Variants in PCDHGB5 observed in about 807,000 individuals in gnomAD.
The protein encoded by PCDHGB5 is protocadherin gamma-B5.
PCDHGB5 carries 48 observed loss-of-function variants against 62.9 expected under a neutral mutation model. That is an observed-to-expected ratio of 0.76 (90% CI 0.61 to 0.97). The LOEUF (loss-of-function observed/expected upper bound fraction) is 0.97. Among genes scored for constraint, PCDHGB5 ranks in the 50% least tolerant of loss-of-function variants. The pLI is 0.00. For synonymous variants in PCDHGB5, 474 were observed against 511.2 expected, an observed-to-expected ratio of 0.93 and a Z score of 0.98; for missense variants, 1,118 against 1,198.6, an observed-to-expected ratio of 0.93 and a Z score of 0.99.
At chr5:141,510,431 G>A (rs912708135) in intron 3 of PCDHGB5, among the ~76,000 whole-genome samples, 9 of 152,132 alleles carry the variant, frequency 5.9e-5, no homozygotes, top group African/African-American at 1.9e-4. Flanking sequence ...TTTCATGGCT[G>A]CTGCCCTCCA....
chr5:141,452,165 C>T (rs917431071), intron 1 of PCDHGB5, among the ~76,000 whole-genome samples: 2 of 152,120 alleles, frequency 1.3e-5, no homozygotes, highest in African/African-American at 4.8e-5. Flanking sequence ...TATTCTATTA[C>T]TAACATTTTT....
chr5:141,445,245 T>C (rs2098460607), intron 1 of PCDHGB5, among the ~76,000 whole-genome samples: 1 of 152,212 alleles, frequency 6.6e-6, no homozygotes, highest in Non-Finnish European at 1.5e-5. Flanking sequence ...TTACACTATA[T>C]TGTGTGAGAA....
intron 1 of PCDHGB5, among the ~76,000 whole-genome samples, chr5:141,448,316 T>C (rs1042171540): frequency 6.6e-6 from 1 of 152,174 alleles, no homozygotes; most frequent in Non-Finnish European, 1.5e-5. Flanking sequence ...AGGAATCTTT[T>C]CTTTGAATCT....
chr5:141,489,191 T>C lies in PCDHGB5; in HGVS notation c.2398-5616T>C. On this transcript the variant is annotated intron_variant, in intron 1 of 3. Coordinates refer to ENST00000617380, the MANE Select transcript of PCDHGB5 (RefSeq NM_018925.3). The surrounding 1 kb of genome is among the most constrained non-coding windows in gnomAD (Gnocchi z 4.5). ...CTGCATTCCAAGCCCTGGGTCTACC[T>C]TGGAGACAGGACAGCACAGACTTAC... The C allele has an allele frequency of 7.3e-7, 1 of 1,364,400 alleles. No homozygotes were observed. Among genetic ancestry groups the C allele is most frequent in the Middle Eastern group, 1.9e-4 (1 of 5,334 alleles). The allele number at this position is 1,364,400 out of a possible 1,614,324, so 84.5% of individuals were successfully genotyped here. A position where few individuals can be genotyped will look rare whatever the true frequency, so the allele number is the denominator to read the frequency against.
At chr5:141,448,999 GT>G (rs910018882) in intron 1 of PCDHGB5, among the ~76,000 whole-genome samples, 2 of 151,816 alleles carry the variant, frequency 1.3e-5, no homozygotes, top group African/African-American at 4.8e-5. Context: ...ATAGAAAGCT[GT>G]TTTTTTTAAC....
At chr5:141,419,558 C>T (rs560723941) in intron 1 of PCDHGB5, 1 of 1,611,970 alleles carries the variant, frequency 6.2e-7, no homozygotes, top group African/African-American at 1.3e-5. Context: ...GTACCCTGCG[C>T]TGGGTCCCGA....
rs746539261 is a variant in PCDHGB5, at chr5:141,415,336, C to A, written c.2397+14812C>A. On this transcript the variant is annotated intron_variant, in intron 1 of 3. Transcript: ENST00000617380. ...CATCGTGCTGCTGGCGCACAGGCTG[C>A]GGCGCTGGCACAAGTCACGCCTGCT... 7 of 1,614,200 alleles carry A rather than the reference C, an allele frequency of 4.3e-6. 1 individual carries two copies. The South Asian group carries it at 7.7e-5, about 18-fold the overall frequency.
chr5:141,443,826 G>C (rs955306823), intron 1 of PCDHGB5, among the ~76,000 whole-genome samples: 1 of 151,978 alleles, frequency 6.6e-6, no homozygotes, highest in African/African-American at 2.4e-5. Flanking sequence ...AACATAATTA[G>C]GTAAAATGGG....
intron 1 of PCDHGB5, chr5:141,423,426 GGCAGGTA>G: frequency 1.9e-6 from 3 of 1,614,028 alleles, no homozygotes; most frequent in Non-Finnish European, 2.5e-6. Flanking sequence ...AAGGCGGGTT[GGCAGGTA>G]TGCCCACGTC....
intron 1 of PCDHGB5, among the ~76,000 whole-genome samples, chr5:141,435,547 G>T (rs2097769325): frequency 6.6e-6 from 1 of 152,114 alleles, no homozygotes. Context: ...AACAAAATGT[G>T]TTTTGAGTGC....
At chr5:141,402,788 C>A in intron 1 of PCDHGB5, 1 of 937,148 alleles carries the variant, frequency 1.1e-6, no homozygotes, top group Non-Finnish European at 1.5e-6. Flanking sequence ...AGTTCTGCGG[C>A]TACACAAAAC....
intron 1 of PCDHGB5, chr5:141,413,526 G>T: frequency 6.2e-7 from 1 of 1,613,936 alleles, no homozygotes; most frequent in Non-Finnish European, 8.5e-7. Context: ...TGGAAGACAG[G>T]GTGAAACTTT....
At chr5:141,494,363 T>C (rs1264801258) in intron 1 of PCDHGB5, among the ~76,000 whole-genome samples, 1 of 152,206 alleles carries the variant, frequency 6.6e-6, no homozygotes, top group Non-Finnish European at 1.5e-5. Context: ...CTGCAGAGGA[T>C]GCTTTGTTCC....
rs141034739 is a variant in PCDHGB5 at position 141,491,100 on chromosome 5, C to T, written c.2398-3707C>T. The T allele has an allele frequency of 2.7e-4, 430 of 1,614,138 alleles. No homozygotes were observed. The African/African-American group carries it at 4.7e-3, about 18-fold the overall frequency. ...AGTCCACAGCCCCAGGACTGTTCCT[C>T]GTGTCTACACACACTGGTGAGGTGC... On this transcript the variant is annotated intron_variant, in intron 1 of 3. Transcript: ENST00000617380. The surrounding 1 kb of genome is among the most constrained non-coding windows in gnomAD (Gnocchi z 6.9).
At chr5:141,410,888 C>G in intron 1 of PCDHGB5, 1 of 290,774 alleles carries the variant, frequency 3.4e-6, no homozygotes, top group Non-Finnish European at 5.6e-6. Flanking sequence ...GAGTCTCGCA[C>G]TGTTGCCTAG....
chr5:141,464,093 C>T (rs1029458289), intron 1 of PCDHGB5, among the ~76,000 whole-genome samples: 1 of 151,888 alleles, frequency 6.6e-6, no homozygotes, highest in Non-Finnish European at 1.5e-5. Context: ...GGTGAAACTC[C>T]GTCTCTACTA....
intron 1 of PCDHGB5, chr5:141,415,469 C>T (rs1247738517): frequency 1.9e-6 from 3 of 1,614,208 alleles, no homozygotes; most frequent in South Asian, 2.2e-5. Flanking sequence ...TCTCTCACCG[C>T]GGACTCGCGA....
intron 1 of PCDHGB5, chr5:141,478,686 GA>G (rs2099472024): frequency 6.4e-7 from 1 of 1,551,134 alleles, no homozygotes; most frequent in South Asian, 1.2e-5. Context: ...GCCCTTCCTA[GA>G]TCAAAGTTAG....
At chr5:141,466,510 AT>A (rs1222513096) in intron 1 of PCDHGB5, among the ~76,000 whole-genome samples, 1 of 151,938 alleles carries the variant, frequency 6.6e-6, no homozygotes, top group Non-Finnish European at 1.5e-5. Context: ...AGACAAGATC[AT>A]TTTTTTTCCT....
Sources: allele counts gnomAD v4.1 joint callset (sites outside exome capture counted in the v4.1 genomes callset), GRCh38; gene constraint gnomAD v4.1.1; non-coding constraint Gnocchi (gnomAD v3.1); transcripts MANE v1.5; gene names NCBI Gene and HGNC (gene_info 2026-07-23, HGNC 2026-07-21).